Variants in ATP6V1C2 observed in about 807,000 individuals in gnomAD.
The protein encoded by ATP6V1C2 is ATPase H+ transporting V1 subunit C2.
ATP6V1C2 carries 45 observed loss-of-function variants against 56.8 expected under a neutral mutation model. That is an observed-to-expected ratio of 0.79 (90% CI 0.62 to 1.02). The LOEUF is 1.02. ATP6V1C2 is among the 50% of genes least tolerant of loss of function. The pLI, the probability that ATP6V1C2 is intolerant of heterozygous loss-of-function variation, is 0.00. For missense variants in ATP6V1C2, 463 were observed against 519.7 expected, an observed-to-expected ratio of 0.89 and a Z score of 1.06; for synonymous variants, 220 against 201.3, an observed-to-expected ratio of 1.09 and a Z score of -0.79.
At chr2:10,731,729 T>C (rs1175427065) in intron 3 of ATP6V1C2, among the ~76,000 whole-genome samples, 1 of 152,074 alleles carries the variant, frequency 6.6e-6, no homozygotes, top group East Asian at 1.9e-4. Flanking sequence ...ATCCCAGCAC[T>C]TTGGGAGGCT....
intron 8 of ATP6V1C2, among the ~76,000 whole-genome samples, chr2:10,774,428 C>T (rs895975843): frequency 6.6e-6 from 1 of 152,198 alleles, no homozygotes; most frequent in Non-Finnish European, 1.5e-5. Flanking sequence ...TAGTTTCCAC[C>T]ACTCTGCTTT....
chr2:10,737,578 T>C (rs1299906847), intron 3 of ATP6V1C2, among the ~76,000 whole-genome samples: 1 of 152,248 alleles, frequency 6.6e-6, no homozygotes, highest in African/African-American at 2.4e-5. Flanking sequence ...TGCGTAGCAT[T>C]GATAAACGTC....
At chr2:10,739,837 T>C (rs550969374) in intron 3 of ATP6V1C2, among the ~76,000 whole-genome samples, 2 of 152,224 alleles carry the variant, frequency 1.3e-5, no homozygotes, top group South Asian at 2.1e-4. Context: ...CAGTGGCTCA[T>C]GCCTGTAATC....
chr2:10,778,726 G>C, intron 12 of ATP6V1C2, 57 bp downstream of exon 12: 2 of 1,549,078 alleles, frequency 1.3e-6, no homozygotes, highest in Non-Finnish European at 1.8e-6. Flanking sequence ...GGGTCTGGGG[G>C]AGCTATCGGG....
rs142973664 is a variant in ATP6V1C2 at position 10,763,019 on chromosome 2, G to T, written c.284-1312G>T. 2.0e-5 allele frequency among the ~76,000 whole-genome samples: 3 copies of T among 152,238 alleles called. No homozygotes were observed. The highest frequency in any genetic ancestry group is 3.4e-3 in the Middle Eastern group (1 of 294). On this transcript the variant is annotated intron_variant, in intron 4 of 13. Coordinates refer to ENST00000272238, the MANE Select transcript of ATP6V1C2 (RefSeq NM_001039362.2). This position sits in a 1 kb window ranked among gnomAD's most constrained non-coding sequence, Gnocchi z 4.2. ...GAGTCTTGTTTGGTGACCCCACTGG[G>T]CGCTGCTGTTGGGGTTGGAGGAATC...
intron 13 of ATP6V1C2, 82 bp downstream of exon 13, chr2:10,782,457 AC>A: frequency 6.0e-6 from 9 of 1,495,618 alleles, no homozygotes; most frequent in South Asian, 1.2e-5. Flanking sequence ...TGTAATCCCA[AC>A]ACTTTGGGAG....
At chr2:10,723,042 C>G in intron 2 of ATP6V1C2, 64 bp downstream of exon 2, 1 of 1,581,004 alleles carries the variant, frequency 6.3e-7, no homozygotes, top group Non-Finnish European at 8.6e-7. Context: ...GAGAGGGAGA[C>G]AGGTTGCTAC....
intron 6 of ATP6V1C2, among the ~76,000 whole-genome samples, chr2:10,769,445 T>A (rs1219239612): frequency 6.6e-6 from 1 of 152,230 alleles, no homozygotes; most frequent in African/African-American, 2.4e-5. Context: ...GGCTCATGCC[T>A]GTAATCCCAG....
At chr2:10,779,549 G>C (rs1665218740) in intron 12 of ATP6V1C2, among the ~76,000 whole-genome samples, 2 of 151,168 alleles carry the variant, frequency 1.3e-5, no homozygotes, top group Non-Finnish European at 2.9e-5. Context: ...AGCCGGGTGT[G>C]GTGGCATGGG....
chr2:10,748,722 C>T (rs115493100), intron 3 of ATP6V1C2, among the ~76,000 whole-genome samples: 1 of 151,938 alleles, frequency 6.6e-6, no homozygotes. Context: ...GATTTATGAT[C>T]AATTTCTGCT....
rs540245443 is a variant in ATP6V1C2, at chr2:10,779,391, G to A, written c.1061+722G>A. On this transcript the variant is annotated intron_variant, in intron 12 of 13. Coordinates refer to ENST00000272238, the MANE Select transcript of ATP6V1C2 (RefSeq NM_001039362.2). ...TCCCAAATGTTGGGATTACAGGCGCGAGCCACCATGCCCGGCCTTTGCCTA... is the reference window on the plus strand; with the variant it reads ...TCCCAAATGTTGGGATTACAGGCGCAAGCCACCATGCCCGGCCTTTGCCTA... 8.3e-5 allele frequency among the ~76,000 whole-genome samples: 12 copies of A among 145,052 alleles called. No homozygotes were observed. In the East Asian group the frequency reaches 2.0e-3, roughly 24 times the overall value.
intron 6 of ATP6V1C2, among the ~76,000 whole-genome samples, 180 bp downstream of exon 6, chr2:10,768,990 C>T (rs1288460511): frequency 6.6e-6 from 1 of 152,128 alleles, no homozygotes; most frequent in Non-Finnish European, 1.5e-5. Context: ...AGGAAAGGGC[C>T]AGGTGAGGGT....
chr2:10,728,744 C>T (rs1051289088), intron 3 of ATP6V1C2, among the ~76,000 whole-genome samples: 11 of 146,620 alleles, frequency 7.5e-5, no homozygotes, highest in Admixed American at 2.8e-4. Flanking sequence ...CACGGCACTC[C>T]GGCCTGGGCG....
At chr2:10,723,374 G>A (rs899881668) in intron 2 of ATP6V1C2, among the ~76,000 whole-genome samples, 7 of 152,114 alleles carry the variant, frequency 4.6e-5, no homozygotes, top group African/African-American at 7.2e-5. Context: ...GGCTTGGGGG[G>A]CTTCAGCCTT....
At chr2:10,738,982 C>G (rs1662403102) in intron 3 of ATP6V1C2, among the ~76,000 whole-genome samples, 1 of 152,204 alleles carries the variant, frequency 6.6e-6, no homozygotes. Context: ...GCAACAGACT[C>G]AGTTGTCTCC....
rs754391477 is a variant in ATP6V1C2 at position 10,782,371 on chromosome 2, T to TG, written c.1192dup (p.Asp398GlyfsTer13). On this transcript the variant is annotated frameshift_variant, in exon 13 of 14. Coordinates refer to ENST00000272238, the MANE Select transcript of ATP6V1C2 (RefSeq NM_001039362.2). LOFTEE classifies it high-confidence loss of function. ...GATGAAGTAGCCGCTACAAGTATAC[T>TG]GGATGTAGGTATCCAGAAACAGCAG... 9.3e-6 allele frequency: 15 copies of TG among 1,613,848 alleles called. No individual in the cohort carries two copies. The highest frequency in any genetic ancestry group is 1.1e-5 in the Non-Finnish European group (13 of 1,179,976).
At chr2:10,769,047 G>A (rs1050103181) in intron 6 of ATP6V1C2, among the ~76,000 whole-genome samples, 1 of 152,206 alleles carries the variant, frequency 6.6e-6, no homozygotes, top group South Asian at 2.1e-4. Context: ...TGGCCATGCT[G>A]CTCCTCACCG....
Position 10,723,130 on chromosome 2 carries a change from G to T in ATP6V1C2, c.129+152G>T. The T allele has an allele frequency of 5.4e-6, 5 of 917,606 alleles. No individual in the cohort carries two copies. The South Asian group carries it at 8.8e-5, about 16-fold the overall frequency. The allele number at this position is 917,606 out of a possible 1,614,324, so 56.8% of individuals were successfully genotyped here. A position where few individuals can be genotyped will look rare whatever the true frequency, so the allele number is the denominator to read the frequency against. On this transcript the variant is annotated intron_variant, in intron 2 of 13. Transcript: ENST00000272238. Reference sequence around the variant, plus strand: ...GCTGAGGTTTGAGGATGGACGGGGAGGTGATGGGCTAGGTGGGATATCATG... The same window carrying T: ...GCTGAGGTTTGAGGATGGACGGGGATGTGATGGGCTAGGTGGGATATCATG...
In ATP6V1C2 at chr2:10,721,634, C is replaced by T. The variant is rs528246943; in HGVS notation, c.-124C>T. 7 of 151,574 alleles carry T rather than the reference C, an allele frequency of 4.6e-5. No homozygotes were observed. In the East Asian group the frequency reaches 9.7e-4, roughly 21 times the overall value. The allele number at this position is 151,574 out of a possible 1,614,324, so 9.4% of individuals were successfully genotyped here. On this transcript the variant is annotated 5_prime_UTR_variant, in exon 1 of 14. Coordinates refer to ENST00000272238, the MANE Select transcript of ATP6V1C2 (RefSeq NM_001039362.2). ...CGGGGCGGGGCGCGGGGCAGCGAAGCCGCTGCCTCCCGGGAGCCGGCAGAG... is the reference window on the plus strand; with the variant it reads ...CGGGGCGGGGCGCGGGGCAGCGAAGTCGCTGCCTCCCGGGAGCCGGCAGAG...
Sources: allele counts gnomAD v4.1 joint callset (sites outside exome capture counted in the v4.1 genomes callset), GRCh38; gene constraint gnomAD v4.1.1; non-coding constraint Gnocchi (gnomAD v3.1); transcripts MANE v1.5; gene names NCBI Gene and HGNC (gene_info 2026-07-23, HGNC 2026-07-21).